The following CCSER1 variants were observed in gnomAD, a reference collection of about 807,000 sequenced individuals.
CCSER1 encodes coiled-coil serine rich protein 1.
Under a neutral mutation model 82.0 loss-of-function variants are expected in CCSER1, and 41 were observed. That is an observed-to-expected ratio of 0.50 (90% CI 0.39 to 0.65). The LOEUF (loss-of-function observed/expected upper bound fraction) is 0.65, where lower values mean the gene tolerates loss of function less well. CCSER1 is among the 30% of genes least tolerant of loss of function. The probability of loss-of-function intolerance (pLI) is 0.00; values close to 1 mark genes in which losing one functional copy is unlikely to be tolerated. For missense variants in CCSER1, 1,119 were observed against 1,064.2 expected (o/e 1.05, Z -0.72); for synonymous variants, 414 against 383.9 (o/e 1.08, Z -0.92).
chr4:91,141,452 C>CA, intron 10 of CCSER1, among the ~76,000 whole-genome samples: 1 of 152,184 alleles, frequency 6.6e-6, no homozygotes, highest in South Asian at 2.1e-4. Context: ...ATGCCTGGCC[C>CA]AATTTCATTC....
intron 10 of CCSER1, among the ~76,000 whole-genome samples, chr4:91,524,942 A>C (rs1760697829): frequency 6.6e-6 from 1 of 152,164 alleles, no homozygotes; most frequent in African/African-American, 2.4e-5. Flanking sequence ...AGAATACATA[A>C]ATTATTTTCA....
chr4:90,844,736 T>C (rs1403121561), intron 8 of CCSER1, among the ~76,000 whole-genome samples: 2 of 152,154 alleles, frequency 1.3e-5, no homozygotes, highest in Non-Finnish European at 2.9e-5. Flanking sequence ...CATGATACTA[T>C]CTAATTATTT....
chr4:91,084,217 C>T (rs901330316), intron 9 of CCSER1, among the ~76,000 whole-genome samples: 7 of 152,198 alleles, frequency 4.6e-5, no homozygotes, highest in East Asian at 3.9e-4. Context: ...CAGGCATGAG[C>T]CACCATACCC....
At chr4:90,881,255 A>G (rs994320436) in intron 8 of CCSER1, among the ~76,000 whole-genome samples, 3 of 152,114 alleles carry the variant, frequency 2.0e-5, no homozygotes, top group African/African-American at 7.2e-5. Flanking sequence ...ATACTTTGAA[A>G]GTATAAACAT....
intron 10 of CCSER1, among the ~76,000 whole-genome samples, chr4:91,156,440 T>C (rs1348541580): frequency 6.6e-6 from 1 of 151,718 alleles, no homozygotes; most frequent in Non-Finnish European, 1.5e-5. Context: ...TTTTATGTTG[T>C]CATAAATGTT....
At chr4:91,187,942 GAGA>G (rs1350148832) in intron 10 of CCSER1, among the ~76,000 whole-genome samples, 2 of 151,932 alleles carry the variant, frequency 1.3e-5, no homozygotes, top group Non-Finnish European at 2.9e-5. Context: ...TTTGAATCAT[GAGA>G]AGTTTTTTTT....
intron 10 of CCSER1, among the ~76,000 whole-genome samples, chr4:91,436,749 G>A (rs1366488717): frequency 1.3e-5 from 2 of 152,184 alleles, no homozygotes; most frequent in Non-Finnish European, 2.9e-5. Context: ...GAAACAGAGA[G>A]ATAGCCAAGC....
intron 10 of CCSER1, among the ~76,000 whole-genome samples, chr4:91,594,729 C>T (rs1764478632): frequency 6.6e-6 from 1 of 151,896 alleles, no homozygotes; most frequent in East Asian, 1.9e-4. Flanking sequence ...TTATTCATTT[C>T]ATTCAGTGAG....
intron 1 of CCSER1, among the ~76,000 whole-genome samples, chr4:90,195,819 C>A (rs1736485750): frequency 1.3e-5 from 2 of 152,090 alleles, no homozygotes; most frequent in African/African-American, 4.8e-5. Flanking sequence ...AGGATGTGGG[C>A]TGGCAGCAAT....
intron 10 of CCSER1, among the ~76,000 whole-genome samples, chr4:91,118,081 T>C (rs1229959288): frequency 6.6e-6 from 1 of 152,164 alleles, no homozygotes; most frequent in Non-Finnish European, 1.5e-5. Context: ...TATTTTATTT[T>C]CTTGTTTTTG....
chr4:91,393,376 A>G (rs1751779093), intron 10 of CCSER1, among the ~76,000 whole-genome samples: 1 of 152,146 alleles, frequency 6.6e-6, no homozygotes, highest in Non-Finnish European at 1.5e-5. Context: ...GAATGTAAGT[A>G]AAAATTGAAA....
intron 1 of CCSER1, among the ~76,000 whole-genome samples, chr4:90,133,657 C>A (rs537431543): frequency 6.6e-6 from 1 of 152,164 alleles, no homozygotes; most frequent in Non-Finnish European, 1.5e-5. Context: ...TCCACCGAAC[C>A]CTTGCTTCTC....
At chr4:90,455,904 T>G (rs962711494) in intron 4 of CCSER1, among the ~76,000 whole-genome samples, 2 of 152,176 alleles carry the variant, frequency 1.3e-5, no homozygotes, top group Non-Finnish European at 2.9e-5. Context: ...TTTGGATCTC[T>G]CACATCTAGT....
intron 10 of CCSER1, among the ~76,000 whole-genome samples, chr4:91,166,920 A>G (rs2148992194): frequency 6.6e-6 from 1 of 152,290 alleles, no homozygotes; most frequent in South Asian, 2.1e-4. Context: ...TACAAAGATA[A>G]GCTAAAATGT....
intron 10 of CCSER1, among the ~76,000 whole-genome samples, chr4:91,134,063 C>A (rs978910301): frequency 2.0e-5 from 3 of 152,160 alleles, no homozygotes; most frequent in Non-Finnish European, 4.4e-5. Flanking sequence ...CGTGCCACTG[C>A]ACTCCAGCCT....
chr4:90,140,284 T>C (rs1188371729), intron 1 of CCSER1, among the ~76,000 whole-genome samples: 2 of 152,164 alleles, frequency 1.3e-5, no homozygotes, highest in African/African-American at 4.8e-5. Flanking sequence ...GGGATGAATT[T>C]TCGCAATCAT....
chr4:90,197,415 A>C (rs901647211), intron 1 of CCSER1, among the ~76,000 whole-genome samples: 1 of 152,122 alleles, frequency 6.6e-6, no homozygotes, highest in Non-Finnish European at 1.5e-5. Context: ...ATGATTCAGC[A>C]ATCTCATTAC....
intron 3 of CCSER1, among the ~76,000 whole-genome samples, chr4:90,327,388 G>T (rs1738415439): frequency 6.6e-6 from 1 of 152,166 alleles, no homozygotes; most frequent in African/African-American, 2.4e-5. Flanking sequence ...TACTCCATCA[G>T]TATGTTTCTT....
intron 10 of CCSER1, among the ~76,000 whole-genome samples, chr4:91,522,108 G>A (rs982042824): frequency 9.9e-5 from 15 of 152,170 alleles, no homozygotes; most frequent in African/African-American, 2.2e-4. Context: ...TGGCTAGCCC[G>A]TTTTCCCAGC....
Sources: gnomAD v4.1 joint callset for allele counts (sites outside exome capture counted in the v4.1 genomes callset) on GRCh38, gnomAD v4.1.1 for gene constraint, MANE v1.5 for transcripts, NCBI Gene and HGNC (gene_info 2026-07-23, HGNC 2026-07-21) for gene names.